The following CCDC141 variants were observed in gnomAD, a reference collection of about 807,000 sequenced individuals.
CCDC141 encodes coiled-coil domain-containing protein 141.
Under a neutral mutation model 181.0 loss-of-function variants are expected in CCDC141, and 168 were observed. That is an observed-to-expected ratio of 0.93 (90% CI 0.82 to 1.05). The LOEUF (loss-of-function observed/expected upper bound fraction) is 1.05, where lower values mean the gene tolerates loss of function less well. Among genes scored for constraint, CCDC141 ranks in the 50% least tolerant of loss-of-function variants. The probability of loss-of-function intolerance (pLI) is 0.00; values close to 1 mark genes in which losing one functional copy is unlikely to be tolerated. For synonymous variants in CCDC141, 666 were observed against 642.3 expected (o/e 1.04, Z -0.56); for missense variants, 1,902 against 1,788.5 (o/e 1.06, Z -1.14).
intron 7 of CCDC141, among the ~76,000 whole-genome samples, chr2:178,913,991 T>C (rs1348658609): frequency 6.6e-6 from 1 of 152,228 alleles, no homozygotes; most frequent in Non-Finnish European, 1.5e-5. Flanking sequence ...ATTGTATATT[T>C]ATCTCTGATT....
rs1366323841 is a variant in CCDC141, at chr2:178,978,575, A to G, written c.326T>C (p.Leu109Pro). 5.8e-6 allele frequency: 9 copies of G among 1,550,100 alleles called. No individual in the cohort carries two copies. The highest frequency in any genetic ancestry group is 7.8e-6 in the Non-Finnish European group (9 of 1,146,742). ...CACCAGAGCTGCCCATGCTTCACCC[A>G]GAGTCTCGGCCATGGCATCATAGAC... is the stretch of plus-strand genomic sequence containing the variant. ...SQVYDAMAET[L>P]GEAWAALVSM... Residue 109 changes from leucine (L) to proline (P), a missense_variant, in exon 3 of 24, where the codon CTG becomes CCG. Transcript: ENST00000443758.
intron 7 of CCDC141, among the ~76,000 whole-genome samples, chr2:178,908,494 G>A (rs1688081369): frequency 6.6e-6 from 1 of 152,102 alleles, no homozygotes; most frequent in South Asian, 2.1e-4. Flanking sequence ...GCCCAGCCGA[G>A]GGTTAGTTTT....
intron 4 of CCDC141, among the ~76,000 whole-genome samples, chr2:178,974,393 C>A (rs1691032153): frequency 6.6e-6 from 1 of 152,150 alleles, no homozygotes; most frequent in African/African-American, 2.4e-5. Flanking sequence ...CCTTCCATTG[C>A]AAAAGATGAC....
In CCDC141 at chr2:178,865,933, G is replaced by T; in HGVS notation, c.2575-17C>A. 1 of 1,475,906 alleles carries T rather than the reference G, an allele frequency of 6.8e-7. No homozygotes were observed. The highest frequency in any genetic ancestry group is 9.0e-7 in the Non-Finnish European group (1 of 1,107,032). The allele number at this position is 1,475,906 out of a possible 1,614,324, so 91.4% of individuals were successfully genotyped here. A position where few individuals can be genotyped will look rare whatever the true frequency, so the allele number is the denominator to read the frequency against. On this transcript the variant is annotated splice_polypyrimidine_tract_variant and intron_variant, in intron 16 of 23. Transcript: ENST00000443758. ...AGAGCAGTGCTAAAAGAGACAAATG[G>T]TGGTAACAGAGAGAAAGGACGAAAC...
intron 5 of CCDC141, among the ~76,000 whole-genome samples, chr2:178,952,409 G>GATACTATT (rs1256472094): frequency 6.6e-6 from 1 of 152,120 alleles, no homozygotes; most frequent in Non-Finnish European, 1.5e-5. Context: ...TCTATAGGTA[G>GATACTATT]ATACTATTAT....
chr2:178,944,781 G>T, intron 5 of CCDC141, 130 bp from the exon 6 acceptor site: 1 of 426,596 alleles, frequency 2.3e-6, no homozygotes, highest in Non-Finnish European at 4.2e-6. Flanking sequence ...ACCATCTCAT[G>T]TATTAAAATA....
chr2:178,951,926 CTTAA>C (rs1463662167), intron 5 of CCDC141, among the ~76,000 whole-genome samples: 1 of 152,184 alleles, frequency 6.6e-6, no homozygotes, highest in East Asian at 1.9e-4. Flanking sequence ...GACTTGGGGG[CTTAA>C]TTAATAACCA....
chr2:178,857,631 C>T (rs544838832), intron 17 of CCDC141, among the ~76,000 whole-genome samples: 25 of 152,256 alleles, frequency 1.6e-4, no homozygotes, highest in African/African-American at 6.0e-4. Flanking sequence ...AGCATATCGA[C>T]AGGCAACTCT....
At chr2:178,955,800 A>G (rs906954704) in intron 5 of CCDC141, among the ~76,000 whole-genome samples, 2 of 152,234 alleles carry the variant, frequency 1.3e-5, no homozygotes, top group Non-Finnish European at 1.5e-5. Context: ...GAAAAAAAAG[A>G]TACTACTTTT....
At chr2:179,031,807 C>T (rs2043008182) in intron 2 of CCDC141, among the ~76,000 whole-genome samples, 1 of 152,078 alleles carries the variant, frequency 6.6e-6, no homozygotes. Context: ...CTAAGAATCT[C>T]AGGCACTCAA....
chr2:178,944,526 A>G lies in CCDC141; in HGVS notation c.897+9T>C. On this transcript the variant is annotated intron_variant, in intron 6 of 23. Transcript: ENST00000443758. ...CAATTATTTTTAGTGTGTCTAATAT[A>G]TCTCTTACCTTTGCTTTTATTATCA... 1 of 1,358,018 alleles carries G rather than the reference A, an allele frequency of 7.4e-7. No homozygotes were observed. The highest frequency in any genetic ancestry group is 1.0e-6 in the Non-Finnish European group (1 of 995,638). 84.1% of individuals were successfully genotyped at this position (1,358,018 alleles called of 1,614,324 possible). A position where few individuals can be genotyped will look rare whatever the true frequency, so the allele number is the denominator to read the frequency against.
chr2:178,948,145 G>A (rs1689806716), intron 5 of CCDC141, among the ~76,000 whole-genome samples: 1 of 151,830 alleles, frequency 6.6e-6, no homozygotes, highest in South Asian at 2.1e-4. Context: ...AGGCTGCAAT[G>A]AGCCAAGATC....
the CCDC141 span, among the ~76,000 whole-genome samples, chr2:178,821,037 T>C: frequency 6.6e-6 from 1 of 152,172 alleles, no homozygotes; most frequent in East Asian, 1.9e-4. Context: ...TGCATTTGTC[T>C]AGAGAATGAC....
At chr2:179,041,985 C>T (rs1195268426) in intron 2 of CCDC141, among the ~76,000 whole-genome samples, 1 of 151,988 alleles carries the variant, frequency 6.6e-6, no homozygotes, top group African/African-American at 2.4e-5. Context: ...AACACCACAC[C>T]GACAATATTA....
chr2:178,886,388 T>C (rs1454207723), intron 10 of CCDC141, among the ~76,000 whole-genome samples: 2 of 152,214 alleles, frequency 1.3e-5, no homozygotes, highest in African/African-American at 4.8e-5. Context: ...CTTCTGGTCA[T>C]TTTTTGGTAA....
chr2:178,952,283 A>G (rs1447334174), intron 5 of CCDC141, among the ~76,000 whole-genome samples: 1 of 152,238 alleles, frequency 6.6e-6, no homozygotes, highest in Non-Finnish European at 1.5e-5. Context: ...TCAGAAAGTG[A>G]CCATCAAAGT....
intron 15 of CCDC141, among the ~76,000 whole-genome samples, chr2:178,868,475 T>C (rs1340639373): frequency 1.3e-5 from 2 of 151,992 alleles, no homozygotes; most frequent in Middle Eastern, 3.2e-3. Flanking sequence ...GTGCTCTGAG[T>C]AAATTTAGAG....
At chr2:178,940,407 T>C (rs1367636467) in intron 6 of CCDC141, among the ~76,000 whole-genome samples, 2 of 152,378 alleles carry the variant, frequency 1.3e-5, no homozygotes, top group South Asian at 2.1e-4. Flanking sequence ...GGCTTCATTC[T>C]ATTTATGCAA....
intron 8 of CCDC141, among the ~76,000 whole-genome samples, chr2:178,895,100 G>A (rs772108516): frequency 2.0e-5 from 3 of 152,136 alleles, no homozygotes; most frequent in Non-Finnish European, 2.9e-5. Context: ...GTTATATTGT[G>A]AGGATACTCT....
Sources: gnomAD v4.1 joint callset for allele counts (sites outside exome capture counted in the v4.1 genomes callset) on GRCh38, gnomAD v4.1.1 for gene constraint, MANE v1.5 for transcripts, NCBI Gene and HGNC (gene_info 2026-07-23, HGNC 2026-07-21) for gene names.